Variants in LRRC4C observed in about 807,000 individuals in gnomAD.
LRRC4C encodes the protein leucine rich repeat containing 4C.
LRRC4C carries 5 observed loss-of-function variants against 33.6 expected under a neutral mutation model. The observed-to-expected ratio is 0.15, with a 90% CI of 0.08 to 0.31. LRRC4C has a LOEUF of 0.31. Among genes scored for constraint, LRRC4C ranks in the 10% least tolerant of loss-of-function variants. The pLI, the probability that LRRC4C is intolerant of heterozygous loss-of-function variation, is 1.00. For synonymous variants in LRRC4C, 329 were observed against 302.0 expected, an observed-to-expected ratio of 1.09 and a Z score of -0.93; for missense variants, 560 against 796.7, an observed-to-expected ratio of 0.70 and a Z score of 3.58.
intron 4 of LRRC4C, among the ~76,000 whole-genome samples, chr11:40,297,605 G>GT (rs1226559175): frequency 6.6e-6 from 1 of 151,064 alleles, no homozygotes; most frequent in Admixed American, 6.6e-5. Flanking sequence ...TTTTTTCAAG[G>GT]TCCCCCGCCG....
intron 2 of LRRC4C, among the ~76,000 whole-genome samples, chr11:40,902,907 A>G (rs1367590572): frequency 6.6e-6 from 1 of 152,168 alleles, no homozygotes; most frequent in African/African-American, 2.4e-5. Flanking sequence ...TACAAGTTGA[A>G]ATAGCAAGCG....
intron 3 of LRRC4C, among the ~76,000 whole-genome samples, chr11:40,511,496 A>C (rs1290714081): frequency 2.0e-5 from 3 of 152,222 alleles, no homozygotes; most frequent in Non-Finnish European, 4.4e-5. Context: ...TCCAGTTTGC[A>C]CTATAAAATG....
chr11:40,419,220 G>A (rs1368873329), intron 3 of LRRC4C, among the ~76,000 whole-genome samples: 1 of 152,084 alleles, frequency 6.6e-6, no homozygotes, highest in South Asian at 2.1e-4. Context: ...TGTCACTGAA[G>A]TTCCAGAATT....
At chr11:40,918,589 C>G (rs1393541290) in intron 2 of LRRC4C, among the ~76,000 whole-genome samples, 2 of 151,968 alleles carry the variant, frequency 1.3e-5, no homozygotes, top group Non-Finnish European at 2.9e-5. Flanking sequence ...TCACATGAAT[C>G]TTGACTCAAA....
chr11:40,587,326 G>A (rs1469760881), intron 3 of LRRC4C, among the ~76,000 whole-genome samples: 8 of 141,292 alleles, frequency 5.7e-5, no homozygotes, highest in Admixed American at 2.2e-4. Flanking sequence ...CATTGATTTT[G>A]TATCCTGAGA....
intron 1 of LRRC4C, among the ~76,000 whole-genome samples, chr11:41,281,982 A>G (rs1267888618): frequency 1.3e-5 from 2 of 152,242 alleles, no homozygotes; most frequent in South Asian, 2.1e-4. Flanking sequence ...GGGGGATCTC[A>G]AAAGTCTTCT....
intron 1 of LRRC4C, among the ~76,000 whole-genome samples, chr11:41,108,624 G>A (rs1941651225): frequency 6.6e-6 from 1 of 152,098 alleles, no homozygotes; most frequent in East Asian, 1.9e-4. Context: ...GTATGAAGCT[G>A]AAGGTAATAA....
intron 2 of LRRC4C, among the ~76,000 whole-genome samples, chr11:40,659,331 T>C (rs1943300831): frequency 6.6e-6 from 1 of 152,176 alleles, no homozygotes; most frequent in African/African-American, 2.4e-5. Flanking sequence ...TGGCTGTGGA[T>C]GGCATGTTGA....
At position 40,977,499 on chromosome 11, in the gene LRRC4C, T is replaced by C. The variant is rs1429078217; in HGVS notation, c.-495-43776A>G. On this transcript the variant is annotated intron_variant, in intron 1 of 6. Coordinates refer to ENST00000528697, the MANE Select transcript of LRRC4C (RefSeq NM_001258419.2). The stretch of plus-strand genomic sequence containing the variant: ...ATTTTCCAAGAAGACACAGTGACTA[T>C]AAGTCTCTGTGACTTAAGACTCTGT... Among the ~76,000 whole-genome samples the C allele has an allele frequency of 3.9e-5, 6 of 152,264 alleles. 1 individual carries two copies. The highest frequency in any genetic ancestry group is 4.8e-5 in the African/African-American group (2 of 41,572).
intron 3 of LRRC4C, among the ~76,000 whole-genome samples, chr11:40,536,842 C>T (rs767099800): frequency 1.1e-4 from 16 of 152,032 alleles, no homozygotes; most frequent in Non-Finnish European, 2.2e-4. Context: ...TTCCCTTTCC[C>T]TACTTCAATT....
intron 1 of LRRC4C, among the ~76,000 whole-genome samples, chr11:41,148,402 T>TA (rs1256465906): frequency 1.3e-5 from 2 of 151,802 alleles, no homozygotes; most frequent in African/African-American, 4.8e-5. Flanking sequence ...ATAAGTAAAT[T>TA]AAAAAATAAA....
chr11:40,642,186 T>C (rs763601143), intron 3 of LRRC4C, among the ~76,000 whole-genome samples: 1 of 149,900 alleles, frequency 6.7e-6, no homozygotes, highest in Non-Finnish European at 1.5e-5. Flanking sequence ...TTAAGGCATT[T>C]AATTTAAAAT....
At chr11:40,964,625 G>GT (rs1229124857) in intron 1 of LRRC4C, among the ~76,000 whole-genome samples, 7 of 150,072 alleles carry the variant, frequency 4.7e-5, no homozygotes, top group African/African-American at 9.8e-5. Flanking sequence ...GCGGTGTTTG[G>GT]TTTTTTGTCC....
At chr11:40,642,688 G>A (rs1470668339) in intron 3 of LRRC4C, among the ~76,000 whole-genome samples, 1 of 152,116 alleles carries the variant, frequency 6.6e-6, no homozygotes, top group Non-Finnish European at 1.5e-5. Flanking sequence ...TTTGTTAAAT[G>A]AATTCATTTA....
At chr11:41,125,161 C>A (rs1222337986) in intron 1 of LRRC4C, among the ~76,000 whole-genome samples, 1 of 152,032 alleles carries the variant, frequency 6.6e-6, no homozygotes, top group East Asian at 1.9e-4. Context: ...TAAGCAAGAC[C>A]ATCTGTCTCC....
At chr11:40,222,979 C>G (rs1183897318) in intron 5 of LRRC4C, among the ~76,000 whole-genome samples, 1 of 141,560 alleles carries the variant, frequency 7.1e-6, no homozygotes, top group African/African-American at 2.6e-5. Flanking sequence ...AGCTCAGGAA[C>G]AGTGAGCGGT....
At chr11:41,258,308 TC>T in intron 1 of LRRC4C, among the ~76,000 whole-genome samples, 1 of 152,080 alleles carries the variant, frequency 6.6e-6, no homozygotes, top group East Asian at 1.9e-4. Context: ...TGATATATCT[TC>T]AAGGGAAGAA....
At chr11:41,109,674 T>C (rs910559018) in intron 1 of LRRC4C, among the ~76,000 whole-genome samples, 3 of 152,076 alleles carry the variant, frequency 2.0e-5, no homozygotes, top group African/African-American at 4.8e-5. Context: ...TTATTAATCA[T>C]CTAGTTTTAC....
intron 3 of LRRC4C, among the ~76,000 whole-genome samples, chr11:40,590,565 A>C (rs1277426547): frequency 6.6e-6 from 1 of 151,876 alleles, no homozygotes; most frequent in Non-Finnish European, 1.5e-5. Flanking sequence ...TGCTTTTTAG[A>C]GTTTCCAGCT....
Sources: allele counts gnomAD v4.1 joint callset (sites outside exome capture counted in the v4.1 genomes callset), GRCh38; gene constraint gnomAD v4.1.1; transcripts MANE v1.5; gene names NCBI Gene and HGNC (gene_info 2026-07-23, HGNC 2026-07-21).